The following ACER3 variants were observed in gnomAD, a reference collection of about 807,000 sequenced individuals.
ACER3 encodes the protein alkCDase 3.
ACER3 carries 16 observed loss-of-function variants against 48.9 expected under a neutral mutation model. The observed-to-expected ratio is 0.33, with a 90% CI of 0.22 to 0.50. The LOEUF is 0.50. Ranked by LOEUF, ACER3 falls within the 20% of genes least tolerant of loss-of-function variation. ACER3 has a pLI of 0.98. For missense variants in ACER3, 227 were observed against 326.0 expected (o/e 0.70, Z 2.34); for synonymous variants, 109 against 107.8 (o/e 1.01, Z -0.07).
chr11:76,939,384 A>G (rs1292410026), intron 2 of ACER3, among the ~76,000 whole-genome samples: 3 of 152,220 alleles, frequency 2.0e-5, no homozygotes, highest in African/African-American at 7.2e-5. Flanking sequence ...CGCATTAATA[A>G]TGGTACATTC....
intron 6 of ACER3, among the ~76,000 whole-genome samples, chr11:76,991,036 G>A (rs1948790801): frequency 6.6e-6 from 1 of 152,196 alleles, no homozygotes; most frequent in Non-Finnish European, 1.5e-5. Context: ...TTAAGTGCAT[G>A]CCATCATGAC....
At chr11:77,019,531 C>T (rs1949435453) in intron 9 of ACER3, 200 bp from the exon 10 acceptor site, 2 of 589,430 alleles carry the variant, frequency 3.4e-6, no homozygotes, top group East Asian at 2.8e-5. Flanking sequence ...TAGATTACAG[C>T]ACATCCATTT....
chr11:76,941,444 A>T (rs945960073), intron 2 of ACER3, among the ~76,000 whole-genome samples: 1 of 152,140 alleles, frequency 6.6e-6, no homozygotes, highest in Admixed American at 6.6e-5. Flanking sequence ...ATAGTCTAGC[A>T]TGGGGAGACA....
At chr11:76,927,427 C>A (rs1170712545) in intron 2 of ACER3, among the ~76,000 whole-genome samples, 1 of 150,802 alleles carries the variant, frequency 6.6e-6, no homozygotes, top group African/African-American at 2.4e-5. Flanking sequence ...TAGATTCTTT[C>A]TAGTAGTTTC....
intron 9 of ACER3, 36 bp downstream of exon 9, chr11:77,016,815 G>GT: frequency 8.8e-7 from 1 of 1,138,920 alleles, no homozygotes; most frequent in South Asian, 1.5e-5. Context: ...TCGTACTAGA[G>GT]TTTGTTGTTT....
chr11:76,979,725 G>T (rs1948537728), intron 4 of ACER3, among the ~76,000 whole-genome samples: 1 of 152,086 alleles, frequency 6.6e-6, no homozygotes, highest in Non-Finnish European at 1.5e-5. Context: ...AATATTTTAG[G>T]CTTTGTAGGA....
At chr11:76,969,154 A>G (rs1023079446) in intron 3 of ACER3, among the ~76,000 whole-genome samples, 3 of 152,252 alleles carry the variant, frequency 2.0e-5, no homozygotes, top group Non-Finnish European at 2.9e-5. Flanking sequence ...GACACTTCTC[A>G]AAAGAAGACA....
intron 9 of ACER3, 130 bp from the exon 10 acceptor site, chr11:77,019,601 A>G (rs1949436992): frequency 3.8e-6 from 3 of 781,930 alleles, no homozygotes; most frequent in Non-Finnish European, 6.5e-6. Flanking sequence ...TTGCTGAACA[A>G]ATGAAGCATA....
intron 1 of ACER3, among the ~76,000 whole-genome samples, chr11:76,924,198 A>G (rs1326800213): frequency 1.3e-5 from 2 of 151,484 alleles, no homozygotes; most frequent in African/African-American, 4.9e-5. Context: ...CCTGATGTCT[A>G]TTGTCTTGAA....
chr11:76,889,283 T>A (rs1339775336), intron 1 of ACER3, among the ~76,000 whole-genome samples: 2 of 152,180 alleles, frequency 1.3e-5, no homozygotes, highest in Non-Finnish European at 2.9e-5. Flanking sequence ...CCTCTTGGTT[T>A]TTTTTTTCCT....
At chr11:76,900,707 A>T (rs1019721642) in intron 1 of ACER3, among the ~76,000 whole-genome samples, 2 of 152,144 alleles carry the variant, frequency 1.3e-5, no homozygotes, top group Non-Finnish European at 2.9e-5. Flanking sequence ...AGATTGTCTA[A>T]TGTCAGTTTG....
chr11:76,957,597 C>A, intron 2 of ACER3: 1 of 298,680 alleles, frequency 3.3e-6, no homozygotes, highest in South Asian at 2.7e-5. Context: ...GTGTGTATCA[C>A]CATGTCTGGC....
At chr11:76,977,254 A>G (rs1463364878) in intron 4 of ACER3, among the ~76,000 whole-genome samples, 2 of 152,212 alleles carry the variant, frequency 1.3e-5, no homozygotes, top group Non-Finnish European at 1.5e-5. Context: ...ATATATCATG[A>G]TGGAGAAAAT....
intron 6 of ACER3, among the ~76,000 whole-genome samples, chr11:76,993,931 C>G (rs974939435): frequency 1.3e-5 from 2 of 152,158 alleles, no homozygotes; most frequent in African/African-American, 2.4e-5. Flanking sequence ...GGCTGCAGAC[C>G]TGTACCAGTC....
At chr11:76,907,695 G>A (rs1946269709) in intron 1 of ACER3, among the ~76,000 whole-genome samples, 1 of 151,282 alleles carries the variant, frequency 6.6e-6, no homozygotes, top group Non-Finnish European at 1.5e-5. Flanking sequence ...CACAGTGAAA[G>A]CCAGTCTCCA....
intron 1 of ACER3, among the ~76,000 whole-genome samples, chr11:76,888,676 GGCAGACCACA>G (rs1330287693): frequency 8.9e-6 from 1 of 111,922 alleles, no homozygotes; most frequent in African/African-American, 2.5e-5. Flanking sequence ...TACCAAAATA[GGCAGACCACA>G]ACATAGTAGC....
rs753123429 is a variant in ACER3 at position 76,935,649 on chromosome 11, G to T, written c.214+8982G>T. ...ATTCCAACCAGGTTGTTCTCTAGGTGCTCTAGTTATAGAAAAACAGTTTTA... is the reference window on the plus strand; with the variant it reads ...ATTCCAACCAGGTTGTTCTCTAGGTTCTCTAGTTATAGAAAAACAGTTTTA... On this transcript the variant is annotated intron_variant, in intron 2 of 10. Coordinates refer to ENST00000532485, the MANE Select transcript of ACER3 (RefSeq NM_018367.7). Among the ~76,000 whole-genome samples the T allele has an allele frequency of 1.2e-4, 18 of 152,276 alleles. 1 individual carries two copies. Among genetic ancestry groups the T allele is most frequent in the African/African-American group, 3.6e-4 (15 of 41,552 alleles).
Position 77,024,819 on chromosome 11 carries a change from A to T in ACER3, c.*4492A>T, listed in dbSNP as rs1225773690. 1 of 152,220 alleles carries T rather than the reference A, an allele frequency of 6.6e-6. No homozygotes were observed. The highest frequency in any genetic ancestry group is 1.5e-5 in the Non-Finnish European group (1 of 68,040). 9.4% of individuals were successfully genotyped at this position (152,220 alleles called of 1,614,324 possible). A position where few individuals can be genotyped will look rare whatever the true frequency, so the allele number is the denominator to read the frequency against. Reference sequence around the variant, plus strand: ...CTAATTACTACCTGATTTCAAAGGCAGCTAGTGTAGAAGACTGGTCACAAG... The same window carrying T: ...CTAATTACTACCTGATTTCAAAGGCTGCTAGTGTAGAAGACTGGTCACAAG... On this transcript the variant is annotated 3_prime_UTR_variant, in exon 11 of 11. Transcript: ENST00000532485.
chr11:76,927,593 A>G (rs1393486912), intron 2 of ACER3, among the ~76,000 whole-genome samples: 1 of 152,036 alleles, frequency 6.6e-6, no homozygotes, highest in Non-Finnish European at 1.5e-5. Context: ...ATATCTCCTA[A>G]TGCTATCCCT....
Sources: allele counts gnomAD v4.1 joint callset (sites outside exome capture counted in the v4.1 genomes callset), GRCh38; gene constraint gnomAD v4.1.1; transcripts MANE v1.5; gene names NCBI Gene and HGNC (gene_info 2026-07-23, HGNC 2026-07-21).